CAMKMT: variants seen among roughly 807,000 people sequenced by gnomAD.
The protein encoded by CAMKMT is CaM KMT.
CAMKMT carries 53 observed loss-of-function variants against 48.0 expected under a neutral mutation model. The ratio of observed to expected loss-of-function variants is 1.10; its 90% CI spans 0.89 to 1.39. The LOEUF is 1.39. Ranked by LOEUF, CAMKMT falls within the 40% of genes most tolerant of loss-of-function variation. The pLI is 0.00. For missense variants in CAMKMT, 428 were observed against 402.7 expected, an observed-to-expected ratio of 1.06 and a Z score of -0.54; for synonymous variants, 165 against 152.3, an observed-to-expected ratio of 1.08 and a Z score of -0.61.
At chr2:44,626,483 T>A (rs531245766) in intron 3 of CAMKMT, among the ~76,000 whole-genome samples, 7 of 152,188 alleles carry the variant, frequency 4.6e-5, no homozygotes, top group Non-Finnish European at 7.3e-5. Flanking sequence ...TGGGCTATTA[T>A]GTCAAAATAC....
intron 3 of CAMKMT, among the ~76,000 whole-genome samples, chr2:44,645,359 A>G (rs1673675525): frequency 6.6e-6 from 1 of 152,172 alleles, no homozygotes; most frequent in South Asian, 2.1e-4. Context: ...CCACATACAA[A>G]CCACAGCGGA....
rs139402147 is a variant in CAMKMT at position 44,435,003 on chromosome 2, A to G, written c.376+44698A>G. ...TGGCATCATTGTCTCTGGGGCACGT[A>G]TGTTTTCAAATATGAGCATCGTTAG... is the stretch of plus-strand genomic sequence containing the variant. On this transcript the variant is annotated intron_variant, in intron 3 of 10. Coordinates refer to ENST00000378494, the MANE Select transcript of CAMKMT (RefSeq NM_024766.5). Among the ~76,000 whole-genome samples the G allele has an allele frequency of 9.3e-3, 1,414 of 152,280 alleles. 27 individuals carry two copies. Among genetic ancestry groups the G allele is most frequent in the South Asian group, 0.088 (423 of 4,830 alleles).
At chr2:44,622,984 C>A (rs1672282613) in intron 3 of CAMKMT, among the ~76,000 whole-genome samples, 2 of 152,180 alleles carry the variant, frequency 1.3e-5, no homozygotes, top group Admixed American at 6.5e-5. Flanking sequence ...TTCTCTGCAG[C>A]CCTCACCAAC....
At chr2:44,367,827 G>C (rs1678766552) in intron 1 of CAMKMT, among the ~76,000 whole-genome samples, 1 of 152,214 alleles carries the variant, frequency 6.6e-6, no homozygotes. Flanking sequence ...GGGAAGTGTA[G>C]TTGCCTGGTG....
chr2:44,433,158 C>T (rs570541030), intron 3 of CAMKMT, among the ~76,000 whole-genome samples: 315 of 152,126 alleles, frequency 2.1e-3, no homozygotes, highest in Non-Finnish European at 4.0e-3. Context: ...AATTTTAGTT[C>T]AAGTTAAAAT....
At chr2:44,585,662 C>T (rs2103790794) in intron 3 of CAMKMT, among the ~76,000 whole-genome samples, 1 of 152,180 alleles carries the variant, frequency 6.6e-6, no homozygotes, top group African/African-American at 2.4e-5. Context: ...GATCTTAAAC[C>T]ATAAAAGTGA....
intron 2 of CAMKMT, among the ~76,000 whole-genome samples, chr2:44,388,467 G>A (rs894223135): frequency 6.6e-6 from 1 of 152,104 alleles, no homozygotes; most frequent in Admixed American, 6.6e-5. Flanking sequence ...GTGCCTCCCT[G>A]ATTAGCTTAA....
At chr2:44,467,610 A>C (rs1317639598) in intron 3 of CAMKMT, among the ~76,000 whole-genome samples, 1 of 152,158 alleles carries the variant, frequency 6.6e-6, no homozygotes, top group Admixed American at 6.6e-5. Flanking sequence ...ACCAAAATAT[A>C]CTACAAAGCG....
chr2:44,578,107 C>T (rs1407656382), intron 3 of CAMKMT, among the ~76,000 whole-genome samples: 1 of 152,134 alleles, frequency 6.6e-6, no homozygotes, highest in East Asian at 1.9e-4. Context: ...CTAGATCCAG[C>T]TGAAGGGCCC....
chr2:44,662,445 T>C (rs911249819), intron 3 of CAMKMT, among the ~76,000 whole-genome samples: 6 of 152,236 alleles, frequency 3.9e-5, no homozygotes, highest in African/African-American at 1.4e-4. Context: ...TCAATGGAAA[T>C]TGTGTCTTAG....
intron 3 of CAMKMT, among the ~76,000 whole-genome samples, chr2:44,449,780 A>T (rs1320889453): frequency 1.3e-5 from 2 of 152,162 alleles, no homozygotes; most frequent in East Asian, 3.8e-4. Flanking sequence ...TCACAAGTAA[A>T]AGGGATTCTG....
intron 3 of CAMKMT, among the ~76,000 whole-genome samples, chr2:44,596,832 G>A (rs1670699231): frequency 6.6e-6 from 1 of 152,076 alleles, no homozygotes; most frequent in Admixed American, 6.5e-5. Context: ...GGTTTACTCA[G>A]TCATTAAAAT....
chr2:44,365,447 A>C (rs1181438233), intron 1 of CAMKMT, among the ~76,000 whole-genome samples: 2 of 152,204 alleles, frequency 1.3e-5, no homozygotes, highest in Non-Finnish European at 2.9e-5. Context: ...GAAGATGATG[A>C]ATCAATATCA....
At chr2:44,715,523 A>G (rs764978493) in intron 7 of CAMKMT, among the ~76,000 whole-genome samples, 170 bp downstream of exon 7, 2 of 152,206 alleles carry the variant, frequency 1.3e-5, no homozygotes, top group African/African-American at 2.4e-5. Context: ...TTGGAATACT[A>G]TGAGGCAGAC....
chr2:44,520,194 G>C (rs2104794324), intron 3 of CAMKMT, among the ~76,000 whole-genome samples: 1 of 152,148 alleles, frequency 6.6e-6, no homozygotes, highest in South Asian at 2.1e-4. Context: ...ACTCCAGCCT[G>C]GGCGACAGAG....
intron 3 of CAMKMT, among the ~76,000 whole-genome samples, chr2:44,674,220 G>A (rs1675536748): frequency 6.6e-6 from 1 of 152,166 alleles, no homozygotes; most frequent in Admixed American, 6.5e-5. Context: ...TTGTTTGAAT[G>A]ATGTAAGAAG....
intron 3 of CAMKMT, among the ~76,000 whole-genome samples, chr2:44,690,706 T>G (rs1288689940): frequency 3.3e-5 from 5 of 152,194 alleles, no homozygotes; most frequent in Non-Finnish European, 5.9e-5. Flanking sequence ...CTGGGTGTGG[T>G]GGCTCACGCC....
At chr2:44,451,460 C>A (rs1350327020) in intron 3 of CAMKMT, among the ~76,000 whole-genome samples, 1 of 151,772 alleles carries the variant, frequency 6.6e-6, no homozygotes, top group African/African-American at 2.4e-5. Context: ...ACTGTCCTAA[C>A]CTTGCCTTTC....
intron 3 of CAMKMT, among the ~76,000 whole-genome samples, chr2:44,640,237 A>T (rs186907588): frequency 6.6e-6 from 1 of 152,182 alleles, no homozygotes; most frequent in African/African-American, 2.4e-5. Context: ...AGAAAAATGA[A>T]CACTGGTTCT....
Sources: gnomAD v4.1 joint callset for allele counts (sites outside exome capture counted in the v4.1 genomes callset) on GRCh38, gnomAD v4.1.1 for gene constraint, MANE v1.5 for transcripts, NCBI Gene and HGNC (gene_info 2026-07-23, HGNC 2026-07-21) for gene names.